C11orf65: variants seen among roughly 807,000 people sequenced by gnomAD.
The protein encoded by C11orf65 is protein MFI.
C11orf65 carries 38 observed loss-of-function variants against 35.3 expected under a neutral mutation model. The observed-to-expected ratio is 1.08, with a 90% CI of 0.83 to 1.41. The LOEUF (loss-of-function observed/expected upper bound fraction) is 1.41, where lower values mean the gene tolerates loss of function less well. Among genes scored for constraint, C11orf65 ranks in the 40% most tolerant of loss-of-function variants. The pLI is 0.00. For missense variants in C11orf65, 370 were observed against 367.1 expected (o/e 1.01, Z -0.06); for synonymous variants, 105 against 114.4 (o/e 0.92, Z 0.53).
At chr11:108,422,741 G>T (rs977402755) in intron 3 of C11orf65, among the ~76,000 whole-genome samples, 3 of 152,020 alleles carry the variant, frequency 2.0e-5, no homozygotes, top group Non-Finnish European at 4.4e-5. Context: ...AATTAGCAGG[G>T]CATGGTGGCG....
intron 6 of C11orf65, among the ~76,000 whole-genome samples, chr11:108,404,703 A>C (rs2092507566): frequency 6.6e-6 from 1 of 151,160 alleles, no homozygotes; most frequent in South Asian, 2.1e-4. Context: ...TGCTGGGATT[A>C]CAGGCGTGAG....
chr11:108,453,901 T>C (rs2093382013), intron 2 of C11orf65, among the ~76,000 whole-genome samples: 1 of 152,214 alleles, frequency 6.6e-6, no homozygotes, highest in Non-Finnish European at 1.5e-5. Flanking sequence ...ATCCAACTCA[T>C]GTTGGCTTTG....
At chr11:108,326,848 C>T (rs1288270074), downstream of C11orf65, among the ~76,000 whole-genome samples, 6 of 152,076 alleles carry the variant, frequency 3.9e-5, no homozygotes, top group Non-Finnish European at 7.4e-5. Flanking sequence ...TTTTTTGAGA[C>T]GGAGTCTTGC....
intron 2 of C11orf65, among the ~76,000 whole-genome samples, chr11:108,374,652 G>C (rs1286747707): frequency 6.6e-6 from 1 of 152,244 alleles, no homozygotes; most frequent in Non-Finnish European, 1.5e-5. Context: ...ACTTTGACGA[G>C]TTGAGAGAAG....
chr11:108,316,427 T>C (rs2084656432), intron 6 of C11orf65, among the ~76,000 whole-genome samples: 1 of 152,144 alleles, frequency 6.6e-6, no homozygotes, highest in Non-Finnish European at 1.5e-5. Flanking sequence ...TGCCAGGTAG[T>C]GTACTTACTG....
intron 2 of C11orf65, among the ~76,000 whole-genome samples, chr11:108,442,998 G>A (rs1228237418): frequency 1.3e-5 from 2 of 152,152 alleles, no homozygotes; most frequent in Non-Finnish European, 2.9e-5. Context: ...TGGGCTAAAT[G>A]CTCCAACTAA....
intron 6 of C11orf65, among the ~76,000 whole-genome samples, chr11:108,324,478 C>A (rs1183231702): frequency 6.6e-6 from 1 of 152,130 alleles, no homozygotes; most frequent in East Asian, 1.9e-4. Flanking sequence ...GTCCAACGAT[C>A]GAAAGTTCTT....
At chr11:108,446,974 G>A (rs1204493435) in intron 2 of C11orf65, among the ~76,000 whole-genome samples, 2 of 152,078 alleles carry the variant, frequency 1.3e-5, no homozygotes, top group Admixed American at 6.6e-5. Flanking sequence ...AAAGGCAGGG[G>A]TTGCAATCCT....
chr11:108,438,619 G>A (rs2093103183), intron 2 of C11orf65, among the ~76,000 whole-genome samples: 1 of 151,962 alleles, frequency 6.6e-6, no homozygotes, highest in Non-Finnish European at 1.5e-5. Context: ...AAAATATGGG[G>A]GAAAAGCTTC....
intron 2 of C11orf65, among the ~76,000 whole-genome samples, chr11:108,436,894 A>G (rs1361087009): frequency 5.3e-5 from 8 of 152,162 alleles, no homozygotes; most frequent in Non-Finnish European, 1.5e-5. Flanking sequence ...ATTCTTTGAA[A>G]ATAAAAAGGA....
downstream of C11orf65, chr11:108,329,433 G>A: frequency 1.7e-6 from 1 of 577,986 alleles, no homozygotes; most frequent in Non-Finnish European, 3.0e-6. Flanking sequence ...TTGAGACAAG[G>A]TCTCACTCTG....
rs1591111710 is a variant in C11orf65 at position 108,322,049 on chromosome 11, C to T, written c.641-12978G>A. On this transcript the variant is annotated intron_variant, in intron 6 of 6. Transcript: ENST00000525729. ...TCAGTTTTAGCACTACATTGTATTA[C>T]TGTCATTTTATCTCTGCCTTGCTAA... 2.6e-5 allele frequency among the ~76,000 whole-genome samples: 4 copies of T among 152,300 alleles called. No homozygotes were observed. In the South Asian group the frequency reaches 8.3e-4, roughly 32 times the overall value.
chr11:108,323,494 A>G (rs1431923276), intron 6 of C11orf65, among the ~76,000 whole-genome samples: 1 of 152,196 alleles, frequency 6.6e-6, no homozygotes, highest in Non-Finnish European at 1.5e-5. Context: ...ATAGCACAAT[A>G]GGGCAACTGT....
intron 6 of C11orf65, among the ~76,000 whole-genome samples, chr11:108,395,872 C>T (rs183225590): frequency 7.2e-4 from 109 of 151,986 alleles, no homozygotes; most frequent in African/African-American, 2.5e-3. Flanking sequence ...CTGCCTGCCT[C>T]GGCCTCACAA....
chr11:108,437,602 G>T (rs2093081165), intron 2 of C11orf65, among the ~76,000 whole-genome samples: 1 of 150,024 alleles, frequency 6.7e-6, no homozygotes, highest in Admixed American at 6.7e-5. Context: ...TACTCGGGAG[G>T]CTGAGGCAGG....
chr11:108,441,726 T>C (rs1263108001), intron 2 of C11orf65, among the ~76,000 whole-genome samples: 1 of 152,214 alleles, frequency 6.6e-6, no homozygotes, highest in East Asian at 1.9e-4. Context: ...GGAGTGGACT[T>C]CCAGCAAAGT....
chr11:108,355,478 G>A (rs1014126273), intron 2 of C11orf65: 2 of 157,144 alleles, frequency 1.3e-5, no homozygotes, highest in Admixed American at 6.1e-5. Context: ...ACAAATTTCA[G>A]TGTCTGTGCT....
intron 7 of C11orf65, among the ~76,000 whole-genome samples, chr11:108,386,306 A>G (rs763568072): frequency 7.2e-5 from 11 of 152,250 alleles, no homozygotes; most frequent in Non-Finnish European, 1.3e-4. Context: ...AAGTTAGTTA[A>G]TAACATCCAA....
chr11:108,405,936 G>A (rs2092531943), intron 5 of C11orf65, among the ~76,000 whole-genome samples: 1 of 152,166 alleles, frequency 6.6e-6, no homozygotes, highest in African/African-American at 2.4e-5. Context: ...GAATGCAGAA[G>A]TCCCTGTACC....
Sources: allele counts gnomAD v4.1 joint callset (sites outside exome capture counted in the v4.1 genomes callset), GRCh38; gene constraint gnomAD v4.1.1; transcripts MANE v1.5; gene names NCBI Gene and HGNC (gene_info 2026-07-23, HGNC 2026-07-21).